The following CAP2 variants were observed in gnomAD, a reference collection of about 807,000 sequenced individuals.
The protein encoded by CAP2 is cyclase associated actin cytoskeleton regulatory protein 2, also known as adenylyl cyclase-associated protein 2.
A neutral mutation model predicts 57.7 loss-of-function variants in CAP2; 24 were observed. The ratio of observed to expected loss-of-function variants is 0.42; its 90% CI spans 0.30 to 0.58. The LOEUF is 0.58. Among genes scored for constraint, CAP2 ranks in the 20% least tolerant of loss-of-function variants. The pLI is 0.22. For missense variants in CAP2, 501 were observed against 590.3 expected, an observed-to-expected ratio of 0.85 and a Z score of 1.57; for synonymous variants, 194 against 207.2, an observed-to-expected ratio of 0.94 and a Z score of 0.55.
In CAP2 at chr6:17,463,004, G is replaced by T. The variant is rs1760766355; in HGVS notation, c.231G>T (p.Met77Ile). The T allele has an allele frequency of 2.5e-6, 4 of 1,613,930 alleles. No homozygotes were observed. Among genetic ancestry groups the T allele is most frequent in the Non-Finnish European group, 3.4e-6 (4 of 1,179,794 alleles). Residue 77 changes from methionine (M) to isoleucine (I), a missense_variant, in exon 4 of 13, where the codon ATG (methionine) becomes ATT (isoleucine). Coordinates refer to ENST00000229922, the MANE Select transcript of CAP2 (RefSeq NM_006366.3). Reference protein sequence around the residue: ...LAGDVETHAEMVHSAFQAQRA... With the variant: ...LAGDVETHAEIVHSAFQAQRA... Reference sequence around the variant, plus strand: ...TTCCTCTTTGTTCCCAGGCAGAAATGGTGCACAGTGCTTTCCAGGCCCAGC... The same window carrying T: ...TTCCTCTTTGTTCCCAGGCAGAAATTGTGCACAGTGCTTTCCAGGCCCAGC...
At chr6:17,550,348 A>G (rs960375274) in intron 11 of CAP2, among the ~76,000 whole-genome samples, 1 of 136,532 alleles carries the variant, frequency 7.3e-6, no homozygotes, top group Non-Finnish European at 1.5e-5. Context: ...CTGTATTATT[A>G]TTTGTAGTAG....
At chr6:17,458,712 T>G (rs1760642255) in intron 3 of CAP2, among the ~76,000 whole-genome samples, 1 of 152,156 alleles carries the variant, frequency 6.6e-6, no homozygotes, top group African/African-American at 2.4e-5. Flanking sequence ...AGCTAGTTCT[T>G]GCCTATTTAC....
In CAP2 at chr6:17,539,537, G is replaced by A. The variant is rs1027311069; in HGVS notation, c.826+79G>A. The stretch of plus-strand genomic sequence containing the variant: ...ACACAAAAGAGCCGCTGGAGCCCCA[G>A]TGATGGATACATCACTCCATCCCTG... On this transcript the variant is annotated intron_variant, in intron 8 of 12. Coordinates refer to ENST00000229922, the MANE Select transcript of CAP2 (RefSeq NM_006366.3). 2.5e-5 allele frequency: 27 copies of A among 1,082,808 alleles called. No individual in the cohort carries two copies. In the African/African-American group the frequency reaches 3.6e-4, roughly 15 times the overall value. 67.1% of individuals were successfully genotyped at this position (1,082,808 alleles called of 1,614,324 possible).
chr6:17,507,181 G>A lies in CAP2; in HGVS notation c.313G>A (p.Ala105Thr), dbSNP rs759083931. ...YQQPHENDVAALLKPISEKIQ... is the reference protein window; with the variant it reads ...YQQPHENDVATLLKPISEKIQ... ...TGACTGCTTACAGAATGACGTGGCC[G>A]CACTTCTGAAACCCATATCGGAAAA... The change falls in exon 5 of 13, where the codon GCA (alanine) becomes ACA (threonine). Residue 105 changes from alanine to threonine, a missense_variant. Coordinates refer to ENST00000229922, the MANE Select transcript of CAP2 (RefSeq NM_006366.3). 17 of 1,614,002 alleles carry A rather than the reference G, an allele frequency of 1.1e-5. No individual in the cohort carries two copies. The highest frequency in any genetic ancestry group is 4.4e-5 in the South Asian group (4 of 91,090).
chr6:17,491,501 G>A (rs1298788870), intron 4 of CAP2, among the ~76,000 whole-genome samples: 13 of 152,166 alleles, frequency 8.5e-5, no homozygotes, highest in Non-Finnish European at 2.9e-5. Flanking sequence ...GTCCTCTATT[G>A]TGTGTCAGAC....
rs1759244055 is a variant in CAP2 at position 17,415,220 on chromosome 6, C to T, written c.-1-6335C>T. 2.6e-5 allele frequency among the ~76,000 whole-genome samples: 4 copies of T among 152,184 alleles called. No homozygotes were observed. The South Asian group carries it at 8.3e-4, about 31-fold the overall frequency. On this transcript the variant is annotated intron_variant, in intron 1 of 12. Coordinates refer to ENST00000229922, the MANE Select transcript of CAP2 (RefSeq NM_006366.3). ...GCTAGCAATCAGGAAACCTGAAAGA[C>T]CCACCTCTTTTATTAACATGAAAAT... is the stretch of plus-strand genomic sequence containing the variant.
In CAP2 at chr6:17,468,753, C is replaced by A. The variant is rs935937640; in HGVS notation, c.300+5680C>A. On this transcript the variant is annotated intron_variant, in intron 4 of 12. Coordinates refer to ENST00000229922, the MANE Select transcript of CAP2 (RefSeq NM_006366.3). ...GGAAAATGGCCAAGAAGCCCCCACC[C>A]TGGCTTGCTCAACTATTCATTTACT... Among the ~76,000 whole-genome samples the A allele has an allele frequency of 1.3e-3, 201 of 152,190 alleles. 2 individuals carry two copies. Among genetic ancestry groups the A allele is most frequent in the Non-Finnish European group, 5.9e-5 (4 of 68,034 alleles).
intron 3 of CAP2, among the ~76,000 whole-genome samples, chr6:17,460,059 A>G (rs1760680951): frequency 6.6e-6 from 1 of 152,214 alleles, no homozygotes; most frequent in South Asian, 2.1e-4. Flanking sequence ...TTAAACCTCA[A>G]GGATAAAGAA....
At chr6:17,465,819 C>G (rs1306130973) in intron 4 of CAP2, among the ~76,000 whole-genome samples, 1 of 152,192 alleles carries the variant, frequency 6.6e-6, no homozygotes, top group Non-Finnish European at 1.5e-5. Context: ...CTCTAACAAC[C>G]TCCACCTGGT....
chr6:17,499,376 G>A (rs1177259972), intron 4 of CAP2, among the ~76,000 whole-genome samples: 2 of 133,380 alleles, frequency 1.5e-5, no homozygotes, highest in East Asian at 4.5e-4. Context: ...TCCAGCCTGG[G>A]TGACAGAGCA....
intron 11 of CAP2, among the ~76,000 whole-genome samples, chr6:17,544,495 A>G (rs1762993724): frequency 6.6e-6 from 1 of 152,146 alleles, no homozygotes; most frequent in Non-Finnish European, 1.5e-5. Flanking sequence ...ATTTTATGAT[A>G]TGCCAAAATC....
chr6:17,443,516 A>G (rs1760152121), intron 3 of CAP2, among the ~76,000 whole-genome samples: 1 of 151,850 alleles, frequency 6.6e-6, no homozygotes, highest in Non-Finnish European at 1.5e-5. Flanking sequence ...TTACATACTG[A>G]TTTCGTTTAG....
intron 6 of CAP2, among the ~76,000 whole-genome samples, chr6:17,512,798 T>C (rs1009678583): frequency 2.0e-5 from 3 of 152,246 alleles, no homozygotes; most frequent in Non-Finnish European, 2.9e-5. Flanking sequence ...GTGACTTCAG[T>C]TCCCAATTTC....
intron 7 of CAP2, among the ~76,000 whole-genome samples, chr6:17,528,497 G>C (rs1227234312): frequency 6.6e-6 from 1 of 152,060 alleles, no homozygotes; most frequent in Non-Finnish European, 1.5e-5. Context: ...ATCTTTCCAG[G>C]TCATCAAAGG....
intron 3 of CAP2, among the ~76,000 whole-genome samples, chr6:17,436,715 C>T (rs1759900350): frequency 6.6e-6 from 1 of 152,060 alleles, no homozygotes; most frequent in African/African-American, 2.4e-5. Flanking sequence ...ACTGACTGAA[C>T]CCAGTGAGAA....
intron 3 of CAP2, among the ~76,000 whole-genome samples, chr6:17,439,715 G>T (rs1760016535): frequency 1.3e-5 from 2 of 151,498 alleles, no homozygotes; most frequent in South Asian, 4.1e-4. Context: ...TCACAATAGG[G>T]TTCATGCTCC....
intron 7 of CAP2, among the ~76,000 whole-genome samples, chr6:17,523,037 A>G (rs1327447337): frequency 6.6e-6 from 1 of 152,188 alleles, no homozygotes; most frequent in Non-Finnish European, 1.5e-5. Flanking sequence ...CCCAGCCTGC[A>G]TGGGTTCTTA....
chr6:17,540,284 C>G (rs1184527221), intron 8 of CAP2, among the ~76,000 whole-genome samples: 3 of 152,108 alleles, frequency 2.0e-5, no homozygotes, highest in Non-Finnish European at 4.4e-5. Context: ...ATTCCATATC[C>G]TGATATATAC....
intron 4 of CAP2, among the ~76,000 whole-genome samples, chr6:17,475,066 G>A (rs564652884): frequency 6.6e-6 from 1 of 152,114 alleles, no homozygotes; most frequent in Non-Finnish European, 1.5e-5. Flanking sequence ...GTGGTGACGT[G>A]CGCCTGTAAT....
Sources: gnomAD v4.1 joint callset for allele counts (sites outside exome capture counted in the v4.1 genomes callset) on GRCh38, gnomAD v4.1.1 for gene constraint, MANE v1.5 for transcripts, NCBI Gene and HGNC (gene_info 2026-07-23, HGNC 2026-07-21) for gene names.